Variants in SPTBN1 observed in about 807,000 individuals in gnomAD.
SPTBN1 encodes the protein spectrin beta, non-erythrocytic 1.
SPTBN1 carries 32 observed loss-of-function variants against 266.4 expected under a neutral mutation model. The observed-to-expected ratio is 0.12, with a 90% confidence interval of 0.09 to 0.16. The LOEUF (loss-of-function observed/expected upper bound fraction) is 0.16, where lower values mean the gene tolerates loss of function less well. Among genes scored for constraint, SPTBN1 ranks in the 10% least tolerant of loss-of-function variants. The pLI, the probability that SPTBN1 is intolerant of heterozygous loss-of-function variation, is 1.00. For missense variants in SPTBN1, 2,296 were observed against 3,067.1 expected, an observed-to-expected ratio of 0.75 and a Z score of 5.94; for synonymous variants, 1,336 against 1,162.2, an observed-to-expected ratio of 1.15 and a Z score of -3.04.
intron 29 of SPTBN1, among the ~76,000 whole-genome samples, chr2:54,656,873 G>A (rs1442383114): frequency 1.3e-5 from 2 of 152,150 alleles, no homozygotes; most frequent in Non-Finnish European, 2.9e-5. Flanking sequence ...CACTGAACCG[G>A]GCACCAGCTT....
At chr2:54,457,324 G>C (rs1693107107) in intron 1 of SPTBN1, 1 of 152,278 alleles carries the variant, frequency 6.6e-6, no homozygotes, top group Non-Finnish European at 1.5e-5. Context: ...GGGCTGGCTC[G>C]TCATCACCCC....
chr2:54,580,520 T>C (rs3287), intron 2 of SPTBN1, among the ~76,000 whole-genome samples: 51,437 of 151,782 alleles, frequency 0.34, 11,200 homozygotes, highest in African/African-American at 0.63. Context: ...AGACCACTAG[T>C]ATTGCCATTA....
chr2:54,556,157 C>T (rs918730740), intron 2 of SPTBN1, among the ~76,000 whole-genome samples: 2 of 152,258 alleles, frequency 1.3e-5, no homozygotes, highest in Non-Finnish European at 2.9e-5. Flanking sequence ...CTCCTCCCCA[C>T]TTCTGAACTG....
intron 7 of SPTBN1, among the ~76,000 whole-genome samples, chr2:54,618,417 C>T (rs1677774065): frequency 6.6e-6 from 1 of 152,120 alleles, no homozygotes. Context: ...CGTGTGCGGG[C>T]AGAGCTACTA....
intron 23 of SPTBN1, 69 bp from the exon 24 acceptor site, chr2:54,647,062 G>T: frequency 1.2e-6 from 2 of 1,607,840 alleles, no homozygotes; most frequent in Non-Finnish European, 1.7e-6. Flanking sequence ...TGAGCAGCTG[G>T]TCTGTCACTC....
chr2:54,589,984 G>A (rs1573479494), intron 2 of SPTBN1, among the ~76,000 whole-genome samples: 1 of 152,284 alleles, frequency 6.6e-6, no homozygotes, highest in East Asian at 1.9e-4. Context: ...ATTAAGTCTT[G>A]TGACAATTGA....
rs142893418 is a variant in SPTBN1, at chr2:54,479,283, C to A, written c.-48+22765C>A. On this transcript the variant is annotated intron_variant, in intron 1 of 35. Transcript: ENST00000356805. Reference sequence around the variant, plus strand: ...TGACCCTTACCAACCGCCTCCCCCCCAAGTTGGTTTGTAACCATGTAAGAA... The same window carrying A: ...TGACCCTTACCAACCGCCTCCCCCCAAAGTTGGTTTGTAACCATGTAAGAA... 6.5e-3 allele frequency among the ~76,000 whole-genome samples: 994 copies of A among 152,308 alleles called. 7 individuals carry two copies. Among genetic ancestry groups the A allele is most frequent in the African/African-American group, 0.018 (743 of 41,566 alleles).
intron 31 of SPTBN1, among the ~76,000 whole-genome samples, chr2:54,659,656 C>T (rs965553979): frequency 6.6e-6 from 1 of 152,156 alleles, no homozygotes; most frequent in African/African-American, 2.4e-5. Flanking sequence ...TTATTCTCTA[C>T]TTCCAAAGGG....
At chr2:54,666,720 AAAGTGGTTAG>A (rs1681394705) in intron 34 of SPTBN1, among the ~76,000 whole-genome samples, 1 of 152,228 alleles carries the variant, frequency 6.6e-6, no homozygotes, top group South Asian at 2.1e-4. Context: ...TATCTTGTAA[AAAGTGGTTAG>A]AATGCTTGTT....
intron 1 of SPTBN1, among the ~76,000 whole-genome samples, chr2:54,469,374 T>C (rs1205998656): frequency 6.6e-6 from 1 of 152,182 alleles, no homozygotes; most frequent in African/African-American, 2.4e-5. Flanking sequence ...AATGGCCTTC[T>C]TCTGGGGTTT....
Position 54,649,495 on chromosome 2 carries a change from C to G in SPTBN1, c.5203-120C>G. On this transcript the variant is annotated intron_variant, in intron 25 of 35. Transcript: ENST00000356805. This position sits in a 1 kb window ranked among gnomAD's most constrained non-coding sequence, Gnocchi z 6.7. Reference sequence around the variant, plus strand: ...GAGCTAAGATCTATTGTTCTGAAGTCATGAGTATTATTGGCTACATCTTGC... The same window carrying G: ...GAGCTAAGATCTATTGTTCTGAAGTGATGAGTATTATTGGCTACATCTTGC... The G allele has an allele frequency of 7.1e-7, 1 of 1,416,256 alleles. No individual in the cohort carries two copies. Among genetic ancestry groups the G allele is most frequent in the South Asian group, 1.5e-5 (1 of 67,716 alleles). 87.7% of individuals were successfully genotyped at this position (1,416,256 alleles called of 1,614,324 possible). A position where few individuals can be genotyped will look rare whatever the true frequency, so the allele number is the denominator to read the frequency against.
chr2:54,461,484 C>T (rs141075833), intron 1 of SPTBN1, among the ~76,000 whole-genome samples: 162 of 152,310 alleles, frequency 1.1e-3, no homozygotes, highest in Non-Finnish European at 1.9e-3. Flanking sequence ...AATTTTCTGG[C>T]TCACAGGGCA....
intron 1 of SPTBN1, among the ~76,000 whole-genome samples, chr2:54,485,728 T>C (rs1336010190): frequency 7.8e-6 from 1 of 128,792 alleles, no homozygotes; most frequent in Non-Finnish European, 1.6e-5. Context: ...CCGGCCGCCA[T>C]CCCATCTAGG....
chr2:54,661,291 A>G lies in SPTBN1; in HGVS notation c.6420+1292A>G, dbSNP rs1681027005. ...GTTTCCTTGTACCGATAAAAACAAA[A>G]CCAAATCCATATTATACATCAAAAC... is the stretch of plus-strand genomic sequence containing the variant. On this transcript the variant is annotated intron_variant, in intron 32 of 35. Transcript: ENST00000356805. 8 of 985,790 alleles carry G rather than the reference A, an allele frequency of 8.1e-6. No homozygotes were observed. In the African/African-American group the frequency reaches 8.7e-5, roughly 11 times the overall value. 61.1% of individuals were successfully genotyped at this position (985,790 alleles called of 1,614,324 possible).
intron 9 of SPTBN1, among the ~76,000 whole-genome samples, chr2:54,622,862 G>A (rs1405281790): frequency 2.0e-5 from 3 of 152,138 alleles, no homozygotes; most frequent in African/African-American, 7.2e-5. Context: ...TAAGGCAATA[G>A]CCCATAAGCC....
intron 3 of SPTBN1, among the ~76,000 whole-genome samples, chr2:54,604,242 A>T (rs1676688738): frequency 6.6e-6 from 1 of 152,192 alleles, no homozygotes; most frequent in Non-Finnish European, 1.5e-5. Flanking sequence ...ACAGGGTGGA[A>T]CAGGGCATCG....
intron 18 of SPTBN1, among the ~76,000 whole-genome samples, chr2:54,639,799 C>T (rs1036150184): frequency 6.6e-6 from 1 of 152,208 alleles, no homozygotes; most frequent in African/African-American, 2.4e-5. Context: ...ATGAGGCATG[C>T]CCAGGGGCTC....
intron 2 of SPTBN1, among the ~76,000 whole-genome samples, chr2:54,562,391 T>C (rs1478677351): frequency 5.3e-5 from 8 of 152,164 alleles, no homozygotes; most frequent in Admixed American, 2.6e-4. Flanking sequence ...CTTATTCTAA[T>C]ATATTCCATT....
At chr2:54,614,334 TCTCCTTCCACCAG>T (rs1677434488) in intron 4 of SPTBN1, among the ~76,000 whole-genome samples, 1 of 152,170 alleles carries the variant, frequency 6.6e-6, no homozygotes, top group Non-Finnish European at 1.5e-5. Flanking sequence ...TACAACGGTC[TCTCCTTCCACCAG>T]CTCCTGAATA....
Sources: gnomAD v4.1 joint callset for allele counts (sites outside exome capture counted in the v4.1 genomes callset) on GRCh38, gnomAD v4.1.1 for gene constraint, Gnocchi (gnomAD v3.1) non-coding constraint, MANE v1.5 for transcripts, NCBI Gene and HGNC (gene_info 2026-07-23, HGNC 2026-07-21) for gene names.